The following RIMS2 variants were observed in gnomAD, a reference collection of about 807,000 sequenced individuals.
RIMS2 encodes regulating synaptic membrane exocytosis 2, also known as regulating synaptic membrane exocytosis protein 2.
In RIMS2, 59 loss-of-function variants were observed where a neutral mutation model predicts 174.4. The observed-to-expected ratio is 0.34, with a 90% CI of 0.27 to 0.42. RIMS2 has a LOEUF of 0.42. RIMS2 is among the 10% of genes least tolerant of loss of function. The pLI, the probability that RIMS2 is intolerant of heterozygous loss-of-function variation, is 1.00. For synonymous variants in RIMS2, 606 were observed against 572.5 expected (o/e 1.06, Z -0.84); for missense variants, 1,620 against 1,666.3 (o/e 0.97, Z 0.48).
chr8:104,129,105 C>T (rs1338663476), intron 19 of RIMS2, among the ~76,000 whole-genome samples: 1 of 152,036 alleles, frequency 6.6e-6, no homozygotes, highest in East Asian at 1.9e-4. Context: ...GATTTTATGG[C>T]CAGGCACAAT....
chr8:103,532,778 G>A (rs1290129805), intron 1 of RIMS2, among the ~76,000 whole-genome samples: 1 of 152,180 alleles, frequency 6.6e-6, no homozygotes, highest in African/African-American at 2.4e-5. Flanking sequence ...CATGAATATA[G>A]CTGTACTATG....
intron 1 of RIMS2, among the ~76,000 whole-genome samples, chr8:103,599,514 A>G (rs1482760725): frequency 6.6e-6 from 1 of 151,192 alleles, no homozygotes; most frequent in Non-Finnish European, 1.5e-5. Context: ...TCTCTGCTCA[A>G]TGCAACCCTC....
intron 1 of RIMS2, among the ~76,000 whole-genome samples, chr8:103,620,826 A>C (rs2095617230): frequency 6.6e-6 from 1 of 152,200 alleles, no homozygotes; most frequent in Non-Finnish European, 1.5e-5. Context: ...ACCCTTTTCA[A>C]AACTAAATTT....
chr8:104,060,041 T>A (rs2096951445), intron 19 of RIMS2, among the ~76,000 whole-genome samples: 1 of 151,922 alleles, frequency 6.6e-6, no homozygotes. Context: ...CTTTTTTGGT[T>A]GTGTCTCTGC....
At chr8:103,753,527 T>C (rs998927557) in intron 2 of RIMS2, among the ~76,000 whole-genome samples, 10 of 152,318 alleles carry the variant, frequency 6.6e-5, no homozygotes, top group African/African-American at 2.4e-4. Context: ...AGTTCCTCCT[T>C]ATACCTCTGG....
At chr8:103,839,950 C>G (rs1229903406) in intron 3 of RIMS2, among the ~76,000 whole-genome samples, 2 of 152,148 alleles carry the variant, frequency 1.3e-5, no homozygotes, top group Admixed American at 1.3e-4. Flanking sequence ...GTTTCTTATG[C>G]TCCATGAAAC....
chr8:103,769,072 A>G, intron 3 of RIMS2: 1 of 257,828 alleles, frequency 3.9e-6, no homozygotes, highest in Non-Finnish European at 7.9e-6. Flanking sequence ...CTAAAAAAAA[A>G]AGGATAATAG....
chr8:103,961,773 A>G (rs2090177381), intron 15 of RIMS2, among the ~76,000 whole-genome samples: 1 of 152,130 alleles, frequency 6.6e-6, no homozygotes, highest in African/African-American at 2.4e-5. Flanking sequence ...CATAATTATG[A>G]CTAATTTTAC....
intron 1 of RIMS2, among the ~76,000 whole-genome samples, chr8:103,607,069 G>A (rs986612863): frequency 1.2e-4 from 18 of 151,618 alleles, no homozygotes; most frequent in East Asian, 7.8e-4. Flanking sequence ...TATTTTGCTC[G>A]TTAGTTGATG....
At chr8:103,575,681 C>CATATAT (rs199658419) in intron 1 of RIMS2, among the ~76,000 whole-genome samples, 1,993 of 141,828 alleles carry the variant, frequency 0.014, 37 homozygotes, top group East Asian at 0.031. Flanking sequence ...TACACACACA[C>CATATAT]ACACATATAT....
At chr8:103,572,751 CATTT>C (rs2092927095) in intron 1 of RIMS2, among the ~76,000 whole-genome samples, 1 of 151,714 alleles carries the variant, frequency 6.6e-6, no homozygotes, top group Admixed American at 6.6e-5. Context: ...TTAATGGGGT[CATTT>C]ATTTTTTATT....
intron 4 of RIMS2, among the ~76,000 whole-genome samples, chr8:103,901,918 T>C (rs751064578): frequency 8.5e-5 from 13 of 152,166 alleles, no homozygotes; most frequent in Non-Finnish European, 1.5e-4. Flanking sequence ...GAGCTGGCAG[T>C]GAATTAAGAG....
At chr8:103,576,219 C>G (rs2093223783) in intron 1 of RIMS2, among the ~76,000 whole-genome samples, 1 of 152,200 alleles carries the variant, frequency 6.6e-6, no homozygotes, top group Non-Finnish European at 1.5e-5. Flanking sequence ...TGAATATTTA[C>G]TACAACCAAG....
At chr8:103,524,382 C>A (rs1217233891) in intron 1 of RIMS2, among the ~76,000 whole-genome samples, 1 of 152,020 alleles carries the variant, frequency 6.6e-6, no homozygotes, top group African/African-American at 2.4e-5. Flanking sequence ...GAGATCCACG[C>A]CACCGAAAGT....
intron 3 of RIMS2, among the ~76,000 whole-genome samples, chr8:103,840,355 G>T (rs1299596150): frequency 6.6e-6 from 1 of 151,856 alleles, no homozygotes. Context: ...AAAAATCTTT[G>T]GTTATTTCAT....
intron 1 of RIMS2, among the ~76,000 whole-genome samples, chr8:103,588,282 T>C (rs2094073419): frequency 6.6e-6 from 1 of 152,028 alleles, no homozygotes; most frequent in South Asian, 2.1e-4. Flanking sequence ...TATTCCATGT[T>C]CATGGATTGA....
At chr8:103,672,070 T>C (rs1299405074) in intron 1 of RIMS2, among the ~76,000 whole-genome samples, 1 of 152,170 alleles carries the variant, frequency 6.6e-6, no homozygotes, top group Non-Finnish European at 1.5e-5. Flanking sequence ...CTAGTCACTG[T>C]AAATAATATT....
intron 1 of RIMS2, among the ~76,000 whole-genome samples, chr8:103,648,231 A>G (rs1201251169): frequency 1.3e-5 from 2 of 152,210 alleles, no homozygotes; most frequent in African/African-American, 2.4e-5. Flanking sequence ...TGTGTTCTTC[A>G]GTGATTTTCT....
At chr8:103,998,777 T>A (rs534197346) in intron 17 of RIMS2, among the ~76,000 whole-genome samples, 2 of 151,728 alleles carry the variant, frequency 1.3e-5, no homozygotes, top group Non-Finnish European at 3.0e-5. Context: ...GAATACTGAG[T>A]CTGTGAGAAA....
Sources: allele counts gnomAD v4.1 joint callset (sites outside exome capture counted in the v4.1 genomes callset), GRCh38; gene constraint gnomAD v4.1.1; transcripts MANE v1.5; gene names NCBI Gene and HGNC (gene_info 2026-07-23, HGNC 2026-07-21).